Variants in EDA observed in about 807,000 individuals in gnomAD.
EDA encodes the protein ectodysplasin A, also known as ectodysplasin-A.
EDA carries 2 observed loss-of-function variants against 23.6 expected under a neutral mutation model. The ratio of observed to expected loss-of-function variants is 0.08; its 90% confidence interval spans 0.03 to 0.27. The LOEUF is 0.27. EDA is among the 10% of genes least tolerant of loss of function. The pLI is 1.00. For synonymous variants in EDA, 131 were observed against 132.0 expected (o/e 0.99, Z 0.05); for missense variants, 229 against 324.2 (o/e 0.71, Z 2.26).
intron 1 of EDA, among the ~76,000 whole-genome samples, chrX:69,855,298 C>CT (rs2017221396): frequency 8.9e-6 from 1 of 111,838 alleles, no homozygotes; most frequent in South Asian, 3.7e-4. Context: ...TGCAGAAGCT[C>CT]TTAAGTTTAA....
intron 1 of EDA, among the ~76,000 whole-genome samples, chrX:69,697,748 C>T (rs185438666): frequency 1.3e-4 from 14 of 111,971 alleles, no homozygotes; most frequent in African/African-American, 4.5e-4. Context: ...GAGAACCACC[C>T]TCCAGAAGGT....
intron 1 of EDA, among the ~76,000 whole-genome samples, chrX:69,746,276 G>A (rs1215948749): frequency 9.0e-6 from 1 of 111,474 alleles, no homozygotes; most frequent in Non-Finnish European, 1.9e-5. Context: ...GTTGCAAGTA[G>A]GCCTTTTAAG....
chrX:69,878,263 G>A (rs1275441914), intron 1 of EDA, among the ~76,000 whole-genome samples: 2 of 112,314 alleles, frequency 1.8e-5, no homozygotes, highest in South Asian at 7.4e-4. Flanking sequence ...AGAAGGCGGG[G>A]TCACCCCCGC....
chrX:69,830,408 C>T (rs2016579261), intron 1 of EDA, among the ~76,000 whole-genome samples: 1 of 111,298 alleles, frequency 9.0e-6, no homozygotes, highest in South Asian at 3.8e-4. Context: ...ATACTGGCTA[C>T]TGCTGAGGTA....
At chrX:69,703,479 G>A (rs1314961050) in intron 1 of EDA, among the ~76,000 whole-genome samples, 1 of 112,167 alleles carries the variant, frequency 8.9e-6, no homozygotes, top group African/African-American at 3.2e-5. Flanking sequence ...TCCCGAGAGC[G>A]TGCCAACAGA....
At chrX:69,989,017 C>T (rs928565870) in intron 2 of EDA, among the ~76,000 whole-genome samples, 5 of 111,637 alleles carry the variant, frequency 4.5e-5, no homozygotes, top group Non-Finnish European at 7.5e-5. Flanking sequence ...CAAGGCTAGT[C>T]ACCACTCCTA....
At chrX:69,918,149 C>CTT (rs71981189) in intron 1 of EDA, among the ~76,000 whole-genome samples, 15 of 73,447 alleles carry the variant, frequency 2.0e-4, no homozygotes, top group Admixed American at 3.0e-4. Context: ...CCATCCCCTG[C>CTT]TTTTTTTTTT....
At chrX:69,983,675 C>G (rs1411837805) in intron 2 of EDA, among the ~76,000 whole-genome samples, 1 of 63,314 alleles carries the variant, frequency 1.6e-5, no homozygotes, top group East Asian at 4.8e-4. Flanking sequence ...ACGTTTCTCT[C>G]TGGCTGCCCT....
intron 1 of EDA, among the ~76,000 whole-genome samples, chrX:69,911,575 T>A (rs1392585609): frequency 8.9e-6 from 1 of 111,885 alleles, no homozygotes; most frequent in African/African-American, 3.2e-5. Flanking sequence ...CAGGCACACC[T>A]CAGAGATATA....
Position 69,918,177 on chromosome X carries a change from G to C in EDA, c.397-38850G>C, listed in dbSNP as rs1324580365. Among the ~76,000 whole-genome samples the C allele has an allele frequency of 4.0e-5, 3 of 74,927 alleles. No homozygotes were observed. The East Asian group carries it at 1.1e-3, about 27-fold the overall frequency. The allele number at this position is 74,927 out of a possible 115,157, so 65.1% of individuals were successfully genotyped here. A position where few individuals can be genotyped will look rare whatever the true frequency, so the allele number is the denominator to read the frequency against. Reference sequence around the variant, plus strand: ...TTTTTTTTTTTTTTTTTTTTTTCCAGACAGAGTCTTCCTCTGTCACCCAGG... The same window carrying C: ...TTTTTTTTTTTTTTTTTTTTTTCCACACAGAGTCTTCCTCTGTCACCCAGG... On this transcript the variant is annotated intron_variant, in intron 1 of 7. Transcript: ENST00000374552.
intron 1 of EDA, among the ~76,000 whole-genome samples, chrX:69,745,817 A>G (rs189148445): frequency 7.2e-5 from 8 of 110,963 alleles, no homozygotes; most frequent in African/African-American, 2.3e-4. Context: ...GTGAAACCTC[A>G]TCTCTACTAA....
At position 69,811,196 on chromosome X, in the gene EDA, C is replaced by A. The variant is rs1309879272; in HGVS notation, c.397-145831C>A. On this transcript the variant is annotated intron_variant, in intron 1 of 7. Coordinates refer to ENST00000374552, the MANE Select transcript of EDA (RefSeq NM_001399.5). ...CCTGAGCACTCTATAAAATGGGGACCAAGGCCTCATTAAGGCATACAACCA... is the reference window on the plus strand; with the variant it reads ...CCTGAGCACTCTATAAAATGGGGACAAAGGCCTCATTAAGGCATACAACCA... Among the ~76,000 whole-genome samples, 4 of 111,948 alleles carry A rather than the reference C, an allele frequency of 3.6e-5. No individual in the cohort carries two copies. The East Asian group carries it at 1.1e-3, about 32-fold the overall frequency.
chrX:69,630,779 A>G (rs902950925), intron 1 of EDA, among the ~76,000 whole-genome samples: 1 of 111,357 alleles, frequency 9.0e-6, no homozygotes, highest in African/African-American at 3.3e-5. Context: ...ATGGTACTGC[A>G]TTTTTTCAAA....
intron 1 of EDA, among the ~76,000 whole-genome samples, chrX:69,870,694 C>T (rs138185735): frequency 3.6e-5 from 4 of 111,626 alleles, no homozygotes; most frequent in African/African-American, 9.8e-5. Context: ...GGTCCTCCCA[C>T]GCATCCCCAT....
intron 1 of EDA, among the ~76,000 whole-genome samples, chrX:69,756,464 G>A (rs2014123727): frequency 9.0e-6 from 1 of 111,664 alleles, no homozygotes; most frequent in Non-Finnish European, 1.9e-5. Flanking sequence ...TTCCTTCTGT[G>A]GAGTAGAGCA....
intron 1 of EDA, among the ~76,000 whole-genome samples, chrX:69,914,776 T>C (rs2018317765): frequency 1.8e-5 from 2 of 112,246 alleles, no homozygotes; most frequent in Middle Eastern, 4.7e-3. Flanking sequence ...TCAGGCATTA[T>C]TCTCCCAGAT....
At chrX:69,787,661 G>T (rs1008827428) in intron 1 of EDA, among the ~76,000 whole-genome samples, 7 of 111,579 alleles carry the variant, frequency 6.3e-5, no homozygotes, top group African/African-American at 2.3e-4. Flanking sequence ...CGAGAGATCC[G>T]TTGTTAGCCT....
intron 2 of EDA, chrX:69,957,466 G>A (rs1449660905): frequency 2.0e-5 from 3 of 149,020 alleles, no homozygotes; most frequent in Non-Finnish European, 3.5e-5. Context: ...GTGACAGTGC[G>A]AGACTCCATC....
intron 1 of EDA, among the ~76,000 whole-genome samples, chrX:69,898,539 C>G (rs1449281467): frequency 9.0e-6 from 1 of 111,569 alleles, no homozygotes; most frequent in Non-Finnish European, 1.9e-5. Context: ...GCCGAGATCA[C>G]ACCACTGCAC....
Sources: gnomAD v4.1 joint callset for allele counts (sites outside exome capture counted in the v4.1 genomes callset) on GRCh38, gnomAD v4.1.1 for gene constraint, MANE v1.5 for transcripts, NCBI Gene and HGNC (gene_info 2026-07-23, HGNC 2026-07-21) for gene names.